GRHL2: variants seen among roughly 807,000 people sequenced by gnomAD.
GRHL2 encodes the protein grainyhead like transcription factor 2, also known as grainyhead-like protein 2 homolog.
In GRHL2, 21 loss-of-function variants were observed where a neutral mutation model predicts 83.8. That is an observed-to-expected ratio of 0.25 (90% CI 0.18 to 0.36). GRHL2 has a LOEUF of 0.36. Among genes scored for constraint, GRHL2 ranks in the 10% least tolerant of loss-of-function variants. The probability of loss-of-function intolerance (pLI) is 1.00; values close to 1 mark genes in which losing one functional copy is unlikely to be tolerated. For synonymous variants in GRHL2, 280 were observed against 278.9 expected, an observed-to-expected ratio of 1.00 and a Z score of -0.04; for missense variants, 623 against 781.8, an observed-to-expected ratio of 0.80 and a Z score of 2.42.
At chr8:101,638,948 G>T (rs180934550) in intron 12 of GRHL2, among the ~76,000 whole-genome samples, 1 of 152,278 alleles carries the variant, frequency 6.6e-6, no homozygotes, top group East Asian at 1.9e-4. Context: ...TCTGGGCTTT[G>T]GTTTCCTTAA....
chr8:101,589,487 A>G (rs1812232055), intron 7 of GRHL2, among the ~76,000 whole-genome samples: 1 of 152,220 alleles, frequency 6.6e-6, no homozygotes, highest in African/African-American at 2.4e-5. Flanking sequence ...ACATTCTTAA[A>G]AAATGAAATC....
In GRHL2 at chr8:101,502,834, CCTT is replaced by C. The variant is rs907423321; in HGVS notation, c.20+10049_20+10051del. On this transcript the variant is annotated intron_variant, in intron 1 of 15. Transcript: ENST00000646743. ...CTTCTCTTCTTCTCTGTCCCCTTCT[CCTT>C]CTTTTTTTTCTTTCTCCCCCTTCTC... Among the ~76,000 whole-genome samples the C allele has an allele frequency of 3.9e-5, 6 of 152,068 alleles. No individual in the cohort carries two copies. The East Asian group carries it at 5.8e-4, about 15-fold the overall frequency.
intron 1 of GRHL2, among the ~76,000 whole-genome samples, chr8:101,498,292 G>A (rs932856720): frequency 1.1e-4 from 16 of 151,966 alleles, no homozygotes; most frequent in Non-Finnish European, 2.1e-4. Flanking sequence ...CTGATTTTTT[G>A]TATTTTTAAT....
chr8:101,597,062 T>A (rs574581116), intron 7 of GRHL2, among the ~76,000 whole-genome samples: 2 of 152,298 alleles, frequency 1.3e-5, no homozygotes, highest in South Asian at 2.1e-4. Context: ...AATGCTGCCT[T>A]GTGCTCATCA....
rs141182522 is a variant in GRHL2, at chr8:101,515,371, C to T, written c.20+22582C>T. Among the ~76,000 whole-genome samples the T allele has an allele frequency of 1.4e-4, 21 of 152,280 alleles. No homozygotes were observed. The East Asian group carries it at 4.1e-3, about 29-fold the overall frequency. The stretch of plus-strand genomic sequence containing the variant: ...TGTCTTTCTTCCCAGAGTCCTGTCT[C>T]ATTGTTGACAAGTTCAGGAACTACA... On this transcript the variant is annotated intron_variant, in intron 1 of 15. Transcript: ENST00000646743.
chr8:101,618,398 T>C (rs1812897299), intron 8 of GRHL2, among the ~76,000 whole-genome samples: 2 of 152,224 alleles, frequency 1.3e-5, no homozygotes, highest in African/African-American at 4.8e-5. Context: ...CGCTGTGCTG[T>C]AAGGTGAGGA....
intron 14 of GRHL2, among the ~76,000 whole-genome samples, chr8:101,663,959 C>T (rs1042096209): frequency 8.6e-5 from 13 of 150,478 alleles, no homozygotes; most frequent in Non-Finnish European, 1.2e-4. Flanking sequence ...ATTAACCTTT[C>T]GACCTTTTTC....
intron 9 of GRHL2, among the ~76,000 whole-genome samples, chr8:101,625,279 T>G (rs1339077627): frequency 1.3e-5 from 2 of 151,972 alleles, no homozygotes; most frequent in Non-Finnish European, 2.9e-5. Context: ...TAGTTGGAAA[T>G]GAAAGTGAGA....
chr8:101,666,260 C>T (rs1480762922), intron 15 of GRHL2, among the ~76,000 whole-genome samples: 1 of 152,130 alleles, frequency 6.6e-6, no homozygotes. Context: ...GAGAGAGAGC[C>T]TAATGATTTA....
chr8:101,566,116 A>T (rs942885640), intron 4 of GRHL2, among the ~76,000 whole-genome samples: 1 of 152,212 alleles, frequency 6.6e-6, no homozygotes, highest in Admixed American at 6.5e-5. Context: ...CTCACTTTGG[A>T]TTAATGCACA....
intron 7 of GRHL2, among the ~76,000 whole-genome samples, chr8:101,580,134 A>T (rs1046553029): frequency 4.1e-4 from 63 of 152,254 alleles, no homozygotes; most frequent in African/African-American, 1.5e-3. Context: ...AGAGACCGAG[A>T]TGAGGGCCCC....
downstream of GRHL2, among the ~76,000 whole-genome samples, chr8:101,673,875 A>C (rs147774305): frequency 3.8e-3 from 578 of 152,322 alleles, 9 homozygotes; most frequent in East Asian, 0.057. Context: ...CCACAGTGCA[A>C]TCAAACTAGA....
intron 2 of GRHL2, among the ~76,000 whole-genome samples, chr8:101,544,466 AC>A (rs1471221453): frequency 1.3e-5 from 2 of 152,236 alleles, no homozygotes; most frequent in Non-Finnish European, 2.9e-5. Flanking sequence ...AGGAAATCAA[AC>A]AAAAACAATG....
chr8:101,620,115 C>T (rs1005707049), intron 9 of GRHL2, among the ~76,000 whole-genome samples: 3 of 152,136 alleles, frequency 2.0e-5, no homozygotes, highest in African/African-American at 7.2e-5. Flanking sequence ...CTCACTGTGT[C>T]CTCACATGGC....
At chr8:101,630,361 A>G (rs764060004) in intron 9 of GRHL2, among the ~76,000 whole-genome samples, 1 of 152,208 alleles carries the variant, frequency 6.6e-6, no homozygotes, top group Admixed American at 6.5e-5. Context: ...TGCCTATTTC[A>G]TGACTCTTGT....
At chr8:101,524,716 A>G (rs1298051934) in intron 1 of GRHL2, among the ~76,000 whole-genome samples, 2 of 152,076 alleles carry the variant, frequency 1.3e-5, no homozygotes, top group African/African-American at 2.4e-5. Flanking sequence ...GTTCTTTGAA[A>G]TGGGTAGAGT....
chr8:101,661,985 G>A (rs113030723), intron 14 of GRHL2, among the ~76,000 whole-genome samples: 3,366 of 152,202 alleles, frequency 0.022, 128 homozygotes, highest in African/African-American at 0.075. Context: ...TTTGCTTTGC[G>A]CTTTGAAATT....
At chr8:101,675,269 G>A in the GRHL2 span, among the ~76,000 whole-genome samples, 8 of 152,138 alleles carry the variant, frequency 5.3e-5, no homozygotes. Context: ...AAGTCAAATT[G>A]CCCCTGTTTG....
chr8:101,520,577 T>C (rs1448771476), intron 1 of GRHL2, among the ~76,000 whole-genome samples: 1 of 152,116 alleles, frequency 6.6e-6, no homozygotes, highest in Non-Finnish European at 1.5e-5. Flanking sequence ...GAGAACATCT[T>C]GTGTTTTTAA....
Sources: gnomAD v4.1 joint callset for allele counts (sites outside exome capture counted in the v4.1 genomes callset) on GRCh38, gnomAD v4.1.1 for gene constraint, MANE v1.5 for transcripts, NCBI Gene and HGNC (gene_info 2026-07-23, HGNC 2026-07-21) for gene names.